The following DNAAF5 variants were observed in gnomAD, a reference collection of about 807,000 sequenced individuals.
The protein encoded by DNAAF5 is dynein axonemal assembly factor 5.
DNAAF5 carries 64 observed loss-of-function variants against 75.8 expected under a neutral mutation model. The observed-to-expected ratio is 0.84, with a 90% CI of 0.69 to 1.04. The LOEUF (loss-of-function observed/expected upper bound fraction) is 1.04. Among genes scored for constraint, DNAAF5 ranks in the 50% least tolerant of loss-of-function variants. The pLI is 0.00. For synonymous variants in DNAAF5, 657 were observed against 557.2 expected (o/e 1.18, Z -2.52); for missense variants, 1,269 against 1,178.5 (o/e 1.08, Z -1.12).
intron 8 of DNAAF5, chr7:768,803 G>A (rs1778445686): frequency 3.9e-6 from 1 of 257,616 alleles, no homozygotes; most frequent in Non-Finnish European, 7.6e-6. Flanking sequence ...CTTGACCTGT[G>A]GACATTTGGC....
chr7:742,997 T>C (rs1302600920), intron 4 of DNAAF5, among the ~76,000 whole-genome samples: 3 of 152,236 alleles, frequency 2.0e-5, no homozygotes, highest in Non-Finnish European at 2.9e-5. Context: ...GTCACCTCCC[T>C]GGCCTAGTTG....
Position 739,174 on chromosome 7 carries a change from C to T in DNAAF5, c.781-1645C>T, listed in dbSNP as rs576290689. On this transcript the variant is annotated intron_variant, in intron 2 of 12. Transcript: ENST00000297440. ...CTTGTCTCAGCCACGCCCTCTGCCC[C>T]ATCACTGTATACCTGTTTGGGCTGG... Among the ~76,000 whole-genome samples, 34 of 105,158 alleles carry T rather than the reference C, an allele frequency of 3.2e-4. 1 individual carries two copies. Among genetic ancestry groups the T allele is most frequent in the Admixed American group, 9.1e-4 (9 of 9,924 alleles). 69.0% of individuals were successfully genotyped at this position (105,158 alleles called of 152,430 possible).
chr7:764,013 C>T (rs1212396901), intron 8 of DNAAF5, 39 bp downstream of exon 8: 1 of 1,594,404 alleles, frequency 6.3e-7, no homozygotes, highest in East Asian at 2.2e-5. Flanking sequence ...TGCCTGGCCC[C>T]ACTCAGGCTA....
At chr7:783,140 A>C (rs1167438957) in intron 12 of DNAAF5, among the ~76,000 whole-genome samples, 1 of 152,226 alleles carries the variant, frequency 6.6e-6, no homozygotes, top group South Asian at 2.1e-4. Flanking sequence ...TGGGCCGTTC[A>C]CTTTCACGCC....
chr7:730,942 G>A (rs1384607972), intron 2 of DNAAF5, among the ~76,000 whole-genome samples: 2 of 152,248 alleles, frequency 1.3e-5, no homozygotes, highest in Non-Finnish European at 2.9e-5. Context: ...TGCCCAGTGG[G>A]GAGAAAGTGG....
At chr7:781,862 T>C (rs958095782) in intron 12 of DNAAF5, among the ~76,000 whole-genome samples, 2 of 152,262 alleles carry the variant, frequency 1.3e-5, no homozygotes, top group Admixed American at 6.5e-5. Flanking sequence ...CTATTGAGCC[T>C]GAGCTCCTCA....
At chr7:782,312 G>A (rs1459645067) in intron 12 of DNAAF5, among the ~76,000 whole-genome samples, 6 of 150,822 alleles carry the variant, frequency 4.0e-5, no homozygotes, top group African/African-American at 1.2e-4. Context: ...TGGCGTGGCC[G>A]CCTCCCGTCA....
chr7:764,154 G>A (rs1282007802), intron 8 of DNAAF5, among the ~76,000 whole-genome samples, 180 bp downstream of exon 8: 2 of 152,222 alleles, frequency 1.3e-5, no homozygotes, highest in South Asian at 2.1e-4. Context: ...AAGGAGCATC[G>A]CATTGAAGAC....
At chr7:784,042 ACCG>A (rs1779070261) in intron 12 of DNAAF5, among the ~76,000 whole-genome samples, 4 of 70,810 alleles carry the variant, frequency 5.6e-5, no homozygotes, top group African/African-American at 1.6e-4. Flanking sequence ...CACCTCCCCC[ACCG>A]CACATCCGCC....
intron 11 of DNAAF5, among the ~76,000 whole-genome samples, chr7:776,694 G>T (rs545229344): frequency 6.6e-6 from 1 of 152,158 alleles, no homozygotes; most frequent in African/African-American, 2.4e-5. Context: ...TGAAGCCCCC[G>T]AAAAGCAGCA....
At chr7:759,679 A>G (rs1257409219) in intron 6 of DNAAF5, among the ~76,000 whole-genome samples, 1 of 152,140 alleles carries the variant, frequency 6.6e-6, no homozygotes, top group African/African-American at 2.4e-5. Flanking sequence ...TGTCTGGTCA[A>G]ATATAGAGAA....
At chr7:742,081 G>A (rs1009724249) in intron 4 of DNAAF5, among the ~76,000 whole-genome samples, 2 of 152,196 alleles carry the variant, frequency 1.3e-5, no homozygotes, top group African/African-American at 4.8e-5. Flanking sequence ...GAGGCTCCCA[G>A]GTCCAGCCCC....
intron 2 of DNAAF5, among the ~76,000 whole-genome samples, chr7:736,498 G>T (rs1325822838): frequency 3.9e-5 from 6 of 152,176 alleles, no homozygotes; most frequent in African/African-American, 1.4e-4. Context: ...CTTGAAATCT[G>T]TTTTGTCTTA....
intron 6 of DNAAF5, among the ~76,000 whole-genome samples, chr7:760,686 G>A (rs1453454627): frequency 6.6e-6 from 1 of 152,204 alleles, no homozygotes; most frequent in Non-Finnish European, 1.5e-5. Context: ...AAAGAAGTAA[G>A]CACACGCAAA....
rs144219133 is a variant in DNAAF5, at chr7:761,412, G to A, written c.1471-341G>A. 1.1e-3 allele frequency among the ~76,000 whole-genome samples: 172 copies of A among 152,356 alleles called. 1 individual carries two copies. The highest frequency in any genetic ancestry group is 3.9e-3 in the African/African-American group (161 of 41,586). Reference sequence around the variant, plus strand: ...CTAATAAAGATCTACCACAGACTGGGTAATTTATAAAGAAAAAGAGGCTTA... The same window carrying A: ...CTAATAAAGATCTACCACAGACTGGATAATTTATAAAGAAAAAGAGGCTTA... On this transcript the variant is annotated intron_variant, in intron 6 of 12. Coordinates refer to ENST00000297440, the MANE Select transcript of DNAAF5 (RefSeq NM_017802.4).
intron 12 of DNAAF5, among the ~76,000 whole-genome samples, chr7:780,727 AG>A (rs1367587215): frequency 6.6e-6 from 1 of 152,164 alleles, no homozygotes; most frequent in East Asian, 1.9e-4. Context: ...CTCACAGCAC[AG>A]GGCCTGAGGC....
chr7:773,146 G>A (rs1233840111), intron 9 of DNAAF5, among the ~76,000 whole-genome samples: 4 of 152,128 alleles, frequency 2.6e-5, no homozygotes, highest in Non-Finnish European at 4.4e-5. Context: ...TCACGGTGCC[G>A]AAAATGGCAG....
rs182855597 is a variant in DNAAF5 at position 755,852 on chromosome 7, G to T, written c.1258-930G>T. Among the ~76,000 whole-genome samples the T allele has an allele frequency of 6.7e-4, 102 of 152,348 alleles. 2 individuals are homozygous for T. In the Middle Eastern group the frequency reaches 0.014, roughly 20 times the overall value. ...TACCGTGAATTTAAAATTGTCTGTAGTTCTCTGTGGAACCTACAGGAGAGC... is the reference window on the plus strand; with the variant it reads ...TACCGTGAATTTAAAATTGTCTGTATTTCTCTGTGGAACCTACAGGAGAGC... On this transcript the variant is annotated intron_variant, in intron 5 of 12. Coordinates refer to ENST00000297440, the MANE Select transcript of DNAAF5 (RefSeq NM_017802.4).
At chr7:741,045 C>A in intron 3 of DNAAF5, 102 bp downstream of exon 3, 1 of 1,378,748 alleles carries the variant, frequency 7.3e-7, no homozygotes, top group Non-Finnish European at 1.0e-6. Flanking sequence ...CTGCTGGTGT[C>A]CCTTTGTCCC....
Sources: allele counts gnomAD v4.1 joint callset (sites outside exome capture counted in the v4.1 genomes callset), GRCh38; gene constraint gnomAD v4.1.1; transcripts MANE v1.5; gene names NCBI Gene and HGNC (gene_info 2026-07-23, HGNC 2026-07-21).